The following PPFIA2 variants were observed in gnomAD, a reference collection of about 807,000 sequenced individuals.
PPFIA2 encodes the protein PPFI scaffold protein A2, also known as liprin-alpha-2.
Under a neutral mutation model 175.5 loss-of-function variants are expected in PPFIA2, and 46 were observed. That is an observed-to-expected ratio of 0.26 (90% confidence interval 0.21 to 0.34). The LOEUF is 0.34. Among genes scored for constraint, PPFIA2 ranks in the 10% least tolerant of loss-of-function variants. The pLI, the probability that PPFIA2 is intolerant of heterozygous loss-of-function variation, is 1.00. For synonymous variants in PPFIA2, 568 were observed against 511.4 expected (o/e 1.11, Z -1.49); for missense variants, 1,179 against 1,506.1 (o/e 0.78, Z 3.60).
intron 3 of PPFIA2, among the ~76,000 whole-genome samples, chr12:81,734,232 TG>T (rs1329240860): frequency 6.6e-6 from 1 of 151,850 alleles, no homozygotes; most frequent in Non-Finnish European, 1.5e-5. Flanking sequence ...TAACAATTGT[TG>T]AGTCTAAATA....
chr12:81,409,194 C>T (rs1393132332), intron 7 of PPFIA2, among the ~76,000 whole-genome samples: 4 of 151,980 alleles, frequency 2.6e-5, no homozygotes, highest in African/African-American at 9.7e-5. Flanking sequence ...CAAAATATTC[C>T]CTAGGCTCTC....
intron 4 of PPFIA2, among the ~76,000 whole-genome samples, chr12:81,557,789 G>A (rs1206604946): frequency 6.6e-6 from 1 of 151,994 alleles, no homozygotes; most frequent in Non-Finnish European, 1.5e-5. Flanking sequence ...CAAATTAAAT[G>A]GCATTTAGCT....
At chr12:81,635,984 T>C (rs2063957215) in intron 4 of PPFIA2, among the ~76,000 whole-genome samples, 1 of 152,164 alleles carries the variant, frequency 6.6e-6, no homozygotes, top group Non-Finnish European at 1.5e-5. Context: ...ATATCTTGTA[T>C]TAGTATTTAT....
chr12:81,732,529 ACACT>A (rs1259240585), intron 3 of PPFIA2, among the ~76,000 whole-genome samples: 24 of 147,576 alleles, frequency 1.6e-4, no homozygotes, highest in African/African-American at 5.9e-4. Flanking sequence ...AAAAAAAAAA[ACACT>A]CACACACACA....
At chr12:81,637,103 C>T (rs2064172376) in intron 4 of PPFIA2, among the ~76,000 whole-genome samples, 1 of 150,244 alleles carries the variant, frequency 6.7e-6, no homozygotes, top group Non-Finnish European at 1.5e-5. Context: ...GAGTTTCACT[C>T]TTGTTGCCCA....
intron 7 of PPFIA2, among the ~76,000 whole-genome samples, chr12:81,414,318 TAGA>T (rs1459600430): frequency 1.3e-5 from 2 of 151,714 alleles, no homozygotes; most frequent in Non-Finnish European, 3.0e-5. Flanking sequence ...GCAAACAATT[TAGA>T]AGATGTCTTC....
At chr12:81,665,888 A>C (rs1440816267) in intron 4 of PPFIA2, among the ~76,000 whole-genome samples, 1 of 152,172 alleles carries the variant, frequency 6.6e-6, no homozygotes, top group Admixed American at 6.6e-5. Flanking sequence ...TAATATCCAG[A>C]ATCTACAAAG....
intron 4 of PPFIA2, among the ~76,000 whole-genome samples, chr12:81,562,895 A>T (rs1242661884): frequency 6.7e-6 from 1 of 148,416 alleles, no homozygotes; most frequent in Non-Finnish European, 1.5e-5. Flanking sequence ...TGTTGAATGT[A>T]CAATAACTAC....
At chr12:81,516,119 G>A (rs888123607) in intron 4 of PPFIA2, among the ~76,000 whole-genome samples, 13 of 152,034 alleles carry the variant, frequency 8.6e-5, no homozygotes, top group African/African-American at 3.1e-4. Flanking sequence ...GAGTGGAAAA[G>A]CATATTGGAT....
intron 4 of PPFIA2, chr12:81,465,170 A>G (rs566953630): frequency 1.3e-5 from 2 of 152,208 alleles, no homozygotes; most frequent in African/African-American, 4.8e-5. Flanking sequence ...TTACCTTTCA[A>G]TTAAACCTGC....
At chr12:81,408,461 C>G (rs771071319) in intron 7 of PPFIA2, among the ~76,000 whole-genome samples, 1 of 152,026 alleles carries the variant, frequency 6.6e-6, no homozygotes, top group South Asian at 2.1e-4. Flanking sequence ...ATTTAAAGAA[C>G]AAATTTAACT....
At chr12:81,541,964 T>C (rs1349780862) in intron 4 of PPFIA2, among the ~76,000 whole-genome samples, 3 of 151,832 alleles carry the variant, frequency 2.0e-5, no homozygotes. Flanking sequence ...AACATCAGGA[T>C]GAACTCATGT....
intron 3 of PPFIA2, among the ~76,000 whole-genome samples, chr12:81,733,516 A>T (rs1192715339): frequency 1.3e-5 from 2 of 151,698 alleles, no homozygotes; most frequent in Non-Finnish European, 1.5e-5. Flanking sequence ...GGAATCTTAA[A>T]TTTAAATCTT....
intron 3 of PPFIA2, among the ~76,000 whole-genome samples, chr12:81,741,817 T>C (rs760061489): frequency 1.3e-5 from 2 of 152,062 alleles, no homozygotes; most frequent in Non-Finnish European, 2.9e-5. Flanking sequence ...AGAAATAAAA[T>C]ATACACTATA....
At chr12:81,284,469 CCT>C (rs2137150423) in intron 24 of PPFIA2, 166 bp from the exon 25 acceptor site, 1 of 540,512 alleles carries the variant, frequency 1.9e-6, no homozygotes, top group Non-Finnish European at 3.3e-6. Flanking sequence ...CTCAGAGCTC[CCT>C]GTTTCTTCTA....
In PPFIA2 at chr12:81,642,662, T is replaced by G. The variant is rs558832855; in HGVS notation, c.303+34129A>C. The stretch of plus-strand genomic sequence containing the variant: ...TATATACATACATGTATGTATCTAT[T>G]ATATACATACATGTATGTATCTATT... On this transcript the variant is annotated intron_variant, in intron 4 of 32. Transcript: ENST00000549396. Among the ~76,000 whole-genome samples the G allele has an allele frequency of 7.8e-5, 9 of 115,964 alleles. 2 individuals are homozygous for G. Among genetic ancestry groups the G allele is most frequent in the African/African-American group, 2.8e-4 (9 of 31,874 alleles). 76.1% of individuals were successfully genotyped at this position (115,964 alleles called of 152,430 possible).
chr12:81,404,657 T>C (rs1295792435), intron 8 of PPFIA2, among the ~76,000 whole-genome samples: 1 of 152,182 alleles, frequency 6.6e-6, no homozygotes, highest in African/African-American at 2.4e-5. Context: ...AAATTCGTGG[T>C]CTTATGTGAA....
At chr12:81,719,421 T>C (rs1233344142) in intron 3 of PPFIA2, among the ~76,000 whole-genome samples, 1 of 151,612 alleles carries the variant, frequency 6.6e-6, no homozygotes, top group Non-Finnish European at 1.5e-5. Flanking sequence ...ATCTTAATTC[T>C]GCTTCCTGAT....
chr12:81,383,944 C>A, intron 9 of PPFIA2, 79 bp downstream of exon 9: 1 of 1,168,922 alleles, frequency 8.6e-7, no homozygotes. Flanking sequence ...AGTGTATGGT[C>A]ATTACGGGAA....
Sources: gnomAD v4.1 joint callset for allele counts (sites outside exome capture counted in the v4.1 genomes callset) on GRCh38, gnomAD v4.1.1 for gene constraint, MANE v1.5 for transcripts, NCBI Gene and HGNC (gene_info 2026-07-23, HGNC 2026-07-21) for gene names.